The following PHEX variants were observed in gnomAD, a reference collection of about 807,000 sequenced individuals.
PHEX encodes the protein phosphate-regulating neutral endopeptidase PHEX.
A neutral mutation model predicts 68.0 loss-of-function variants in PHEX; 16 were observed. That is an observed-to-expected ratio of 0.24 (90% CI 0.16 to 0.36). PHEX has a LOEUF of 0.36. PHEX is among the 10% of genes least tolerant of loss of function. PHEX has a pLI of 1.00. For missense variants in PHEX, 480 were observed against 575.5 expected, an observed-to-expected ratio of 0.83 and a Z score of 1.70; for synonymous variants, 208 against 205.1, an observed-to-expected ratio of 1.01 and a Z score of -0.12.
Position 22,226,565 on chromosome X carries a change from G to C in PHEX, c.1965+57G>C, listed in dbSNP as rs758656833. The C allele has an allele frequency of 1.2e-5, 11 of 880,998 alleles. No individual in the cohort carries two copies. The South Asian group carries it at 2.2e-4, about 18-fold the overall frequency. The allele number at this position is 880,998 out of a possible 1,213,427, so 72.6% of individuals were successfully genotyped here. On this transcript the variant is annotated intron_variant, in intron 19 of 21. Transcript: ENST00000379374. ...AAATCAAGCCATAAAACACCATATG[G>C]GGGTACCTCAATTCATACCATAGCC...
chrX:22,208,302 T>C (rs1006277565), intron 15 of PHEX, among the ~76,000 whole-genome samples: 2 of 111,781 alleles, frequency 1.8e-5, no homozygotes, highest in East Asian at 5.6e-4. Flanking sequence ...ATGCTCACAC[T>C]GGTAGGATAG....
At chrX:22,115,649 T>G (rs1020288873) in intron 11 of PHEX, among the ~76,000 whole-genome samples, 4 of 112,346 alleles carry the variant, frequency 3.6e-5, no homozygotes, top group Non-Finnish European at 7.5e-5. Context: ...TTCTATATTT[T>G]AACTTTTATA....
intron 12 of PHEX, among the ~76,000 whole-genome samples, chrX:22,151,190 T>C (rs1932849853): frequency 8.9e-6 from 1 of 111,761 alleles, no homozygotes; most frequent in South Asian, 3.8e-4. Flanking sequence ...TAGCAGAGAG[T>C]TAAATGTTGC....
At chrX:22,227,024 C>A (rs1935530337) in intron 19 of PHEX, among the ~76,000 whole-genome samples, 1 of 112,225 alleles carries the variant, frequency 8.9e-6, no homozygotes, top group African/African-American at 3.2e-5. Context: ...TTTCATAAAG[C>A]TAAATGCATT....
At chrX:22,066,434 C>A (rs765964459) in intron 3 of PHEX, among the ~76,000 whole-genome samples, 1 of 112,274 alleles carries the variant, frequency 8.9e-6, no homozygotes, top group African/African-American at 3.2e-5. Flanking sequence ...TTCTTTGTTG[C>A]CCTTGATTTC....
At chrX:22,038,180 C>G (rs1359028043) in intron 1 of PHEX, among the ~76,000 whole-genome samples, 1 of 110,631 alleles carries the variant, frequency 9.0e-6, no homozygotes, top group East Asian at 2.9e-4. Context: ...GCAGCAGCAG[C>G]AGCTGCTGCT....
At chrX:22,103,927 G>A (rs1930546416) in intron 9 of PHEX, among the ~76,000 whole-genome samples, 1 of 112,084 alleles carries the variant, frequency 8.9e-6, no homozygotes, top group Non-Finnish European at 1.9e-5. Flanking sequence ...CACCAGCAGT[G>A]TAAAAGTGTT....
intron 4 of PHEX, 68 bp downstream of exon 4, chrX:22,076,542 A>C: frequency 1.4e-6 from 1 of 705,753 alleles, no homozygotes; most frequent in Non-Finnish European, 2.2e-6. Flanking sequence ...TTAATGTTTT[A>C]ATATATTGTT....
At chrX:22,188,909 C>G (rs549810066) in intron 14 of PHEX, among the ~76,000 whole-genome samples, 2 of 112,290 alleles carry the variant, frequency 1.8e-5, no homozygotes, top group East Asian at 2.8e-4. Context: ...CCCCCATTCC[C>G]CTACCGCCCT....
intron 15 of PHEX, among the ~76,000 whole-genome samples, chrX:22,201,353 A>T (rs1934547728): frequency 9.0e-6 from 1 of 110,737 alleles, no homozygotes; most frequent in Non-Finnish European, 1.9e-5. Context: ...TTTTTTTAAA[A>T]TATATATTTT....
intron 20 of PHEX, among the ~76,000 whole-genome samples, chrX:22,243,011 C>G (rs1156787681): frequency 8.9e-6 from 1 of 111,901 alleles, no homozygotes; most frequent in African/African-American, 3.3e-5. Context: ...GGAGGCATCA[C>G]ACTACCTGAC....
chrX:22,113,144 A>T (rs1421964282), intron 10 of PHEX, among the ~76,000 whole-genome samples: 1 of 110,303 alleles, frequency 9.1e-6, no homozygotes, highest in Non-Finnish European at 1.9e-5. Flanking sequence ...GAGAGGTGTA[A>T]GAAGCACTGT....
chrX:22,131,261 G>A (rs1007127239), intron 11 of PHEX, among the ~76,000 whole-genome samples: 3 of 110,794 alleles, frequency 2.7e-5, no homozygotes, highest in Admixed American at 1.9e-4. Context: ...GGCTGGTCTC[G>A]AACTCCTGAC....
intron 11 of PHEX, among the ~76,000 whole-genome samples, chrX:22,122,711 C>T (rs1162865023): frequency 9.0e-6 from 1 of 111,593 alleles, no homozygotes; most frequent in African/African-American, 3.3e-5. Context: ...TTTGGCCAGG[C>T]TGGCTTGAAT....
chrX:22,189,292 C>G (rs1460409843), intron 14 of PHEX, among the ~76,000 whole-genome samples: 5 of 112,530 alleles, frequency 4.4e-5, no homozygotes, highest in African/African-American at 1.6e-4. Context: ...ATATACCCAG[C>G]AGTGGGGCTG....
At chrX:22,102,198 ATCCCTCCT>A (rs932667343) in intron 9 of PHEX, among the ~76,000 whole-genome samples, 5 of 111,318 alleles carry the variant, frequency 4.5e-5, no homozygotes, top group African/African-American at 1.3e-4. Context: ...CCCATTAACC[ATCCCTCCT>A]TCCCTCCTTC....
intron 20 of PHEX, among the ~76,000 whole-genome samples, chrX:22,237,941 T>C (rs1431943367): frequency 8.9e-6 from 1 of 112,797 alleles, no homozygotes; most frequent in African/African-American, 3.2e-5. Context: ...TTGTTCACTC[T>C]CCATGTCCAA....
intron 9 of PHEX, among the ~76,000 whole-genome samples, chrX:22,109,825 T>C (rs1179735065): frequency 1.8e-5 from 2 of 112,117 alleles, no homozygotes; most frequent in African/African-American, 6.5e-5. Context: ...TTTAAAGATA[T>C]GTATTATAGG....
chrX:22,179,418 C>T (rs756210390), intron 14 of PHEX, among the ~76,000 whole-genome samples: 123 of 111,091 alleles, frequency 1.1e-3, no homozygotes, highest in African/African-American at 3.8e-3. Context: ...TCAGTGCACC[C>T]ATCACACGAG....
Sources: gnomAD v4.1 joint callset for allele counts (sites outside exome capture counted in the v4.1 genomes callset) on GRCh38, gnomAD v4.1.1 for gene constraint, MANE v1.5 for transcripts, NCBI Gene and HGNC (gene_info 2026-07-23, HGNC 2026-07-21) for gene names.